Variants in MDN1 observed in about 807,000 individuals in gnomAD.
The protein encoded by MDN1 is midasin.
Under a neutral mutation model 669.2 loss-of-function variants are expected in MDN1, and 266 were observed. The ratio of observed to expected loss-of-function variants is 0.40; its 90% CI spans 0.36 to 0.44. MDN1 has a LOEUF of 0.44. Among genes scored for constraint, MDN1 ranks in the 20% least tolerant of loss-of-function variants. The probability of loss-of-function intolerance (pLI) is 1.00; values close to 1 mark genes in which losing one functional copy is unlikely to be tolerated. For missense variants in MDN1, 5,940 were observed against 6,754.0 expected (o/e 0.88, Z 4.22); for synonymous variants, 2,385 against 2,457.1 (o/e 0.97, Z 0.87).
At chr6:89,706,702 G>T (rs908526071) in intron 52 of MDN1, among the ~76,000 whole-genome samples, 2 of 152,030 alleles carry the variant, frequency 1.3e-5, no homozygotes, top group Admixed American at 1.3e-4. Context: ...TATACCTACA[G>T]ATGTAAATAA....
chr6:89,673,593 G>T, intron 79 of MDN1, 131 bp from the exon 80 acceptor site: 2 of 735,034 alleles, frequency 2.7e-6, no homozygotes, highest in Non-Finnish European at 4.6e-6. Context: ...CTAAACACAT[G>T]CCACAAAGTG....
chr6:89,793,446 C>T (rs1279118549), intron 5 of MDN1, among the ~76,000 whole-genome samples: 1 of 152,176 alleles, frequency 6.6e-6, no homozygotes, highest in Non-Finnish European at 1.5e-5. Context: ...GGTGCAGTGG[C>T]TCACGCCTGT....
intron 69 of MDN1, 88 bp from the exon 70 acceptor site, chr6:89,686,061 C>A: frequency 7.6e-7 from 1 of 1,311,734 alleles, no homozygotes; most frequent in East Asian, 2.4e-5. Context: ...TGGGATACTA[C>A]GGATGGCCAA....
chr6:89,809,972 C>A (rs1768281635), intron 1 of MDN1, among the ~76,000 whole-genome samples: 1 of 98,578 alleles, frequency 1.0e-5, no homozygotes, highest in Non-Finnish European at 1.8e-5. Context: ...GCCTAGGCAA[C>A]AGAGTGAGAC....
rs746605602 is a variant in MDN1 at position 89,688,159 on chromosome 6, C to T, written c.11274G>A (p.Met3758Ile). ...HPALEQLLVV[M>I]DRIRSFPLSS... is the part of the protein sequence containing the mutation. ...AAAGTGGGAAACTACGAATTCTGTCCATTACAACCAGGAGCTGCAGAAATA... is the reference window on the plus strand; with the variant it reads ...AAAGTGGGAAACTACGAATTCTGTCTATTACAACCAGGAGCTGCAGAAATA... The change falls in exon 67 of 102, where the codon ATG becomes ATA. Residue 3758 changes from methionine to isoleucine, a missense_variant. Met to Ile is a conservative substitution (Grantham distance 10). Coordinates refer to ENST00000369393, the MANE Select transcript of MDN1 (RefSeq NM_014611.3). 1 of 1,613,960 alleles carries T rather than the reference C, an allele frequency of 6.2e-7. No homozygotes were observed. The highest frequency in any genetic ancestry group is 8.5e-7 in the Non-Finnish European group (1 of 1,179,908).
chr6:89,788,517 T>C (rs1355707297), intron 7 of MDN1, among the ~76,000 whole-genome samples: 1 of 152,140 alleles, frequency 6.6e-6, no homozygotes, highest in Non-Finnish European at 1.5e-5. Context: ...GGCACAAGAA[T>C]TCTGTTATGT....
intron 2 of MDN1, among the ~76,000 whole-genome samples, chr6:89,796,324 CAAAAAAAAAAAAAAAA>C (rs35169575): frequency 2.2e-5 from 1 of 45,392 alleles, no homozygotes; most frequent in Non-Finnish European, 3.5e-5. Flanking sequence ...AACTCTGTCT[CAAAAAAAAAAAAAAAA>C]AAAAAAAAAA....
chr6:89,672,695 T>G lies in MDN1; in HGVS notation c.13482A>C (p.Gln4494His), dbSNP rs528313135. The change falls in exon 81 of 102, where the codon CAA becomes CAC. Residue 4494 changes from glutamine (Q) to histidine (H), a missense_variant. Transcript: ENST00000369393. ...LLTSDSQGGN[Q>H]MLDEGFVEDF... ...CTTCCACAAATCCTTCGTCCAACAT[T>G]TGATTTCCTAGCAGGTAACATGGTG... The G allele has an allele frequency of 6.8e-6, 11 of 1,613,662 alleles. No individual in the cohort carries two copies. In the South Asian group the frequency reaches 9.9e-5, roughly 15 times the overall value.
intron 88 of MDN1, among the ~76,000 whole-genome samples, chr6:89,659,887 T>C (rs1237045689): frequency 2.0e-5 from 3 of 152,182 alleles, no homozygotes; most frequent in African/African-American, 7.2e-5. Flanking sequence ...CTCTTATTAT[T>C]TATTTTTTTA....
chr6:89,694,261 T>C (rs1584206872), intron 61 of MDN1, 78 bp from the exon 62 acceptor site: 4 of 1,237,946 alleles, frequency 3.2e-6, no homozygotes, highest in East Asian at 2.3e-5. Context: ...TGGGGACACG[T>C]AGAGGAACAA....
At position 89,743,636 on chromosome 6, in the gene MDN1, G is replaced by A. The variant is rs374386721; in HGVS notation, c.4257C>T (p.His1419=). 8.7e-6 allele frequency: 14 copies of A among 1,613,976 alleles called. No homozygotes were observed. The highest frequency in any genetic ancestry group is 1.6e-4 in the Middle Eastern group (1 of 6,084). Residue 1419 remains histidine, a synonymous_variant, in exon 30 of 102, where the codon CAC becomes CAT. Transcript: ENST00000369393. ...QKLYSVSCHL[H]METSDFLGGL... is the part of the protein sequence containing the mutation. ...CACCCAGGAAGTCTGATGTCTCCAT[G>A]TGTAAGTGGCAGCTGACAGAGTATA... is the stretch of plus-strand genomic sequence containing the variant.
rs1813164248 is a variant in MDN1, at chr6:89,701,601, A to G, written c.8384T>C (p.Ile2795Thr). ...LGSQTGGFAG[I>T]KKLQKFLGRP... ...TCCCAGGAACTTCTGCAACTTCTTT[A>G]TACCAGCGAAGCCACCAGTCTGGCT... The change falls in exon 55 of 102, where the codon ATA becomes ACA. Residue 2795 changes from isoleucine to threonine, a missense_variant. By Grantham distance (89) the Ile-to-Thr change is moderately conservative. Coordinates refer to ENST00000369393, the MANE Select transcript of MDN1 (RefSeq NM_014611.3). 2.5e-6 allele frequency: 4 copies of G among 1,614,068 alleles called. No individual in the cohort carries two copies. The highest frequency in any genetic ancestry group is 1.3e-5 in the African/African-American group (1 of 74,940).
At chr6:89,741,461 T>TA (rs1428972937) in intron 31 of MDN1, among the ~76,000 whole-genome samples, 1 of 152,086 alleles carries the variant, frequency 6.6e-6, no homozygotes. Flanking sequence ...AGTTCAACTT[T>TA]AAAAGAAAAG....
chr6:89,753,591 T>G lies in MDN1; in HGVS notation c.2996A>C (p.Asp999Ala), dbSNP rs565426472. 518 of 1,613,846 alleles carry G rather than the reference T, an allele frequency of 3.2e-4. 7 individuals carry two copies. The South Asian group carries it at 5.4e-3, about 17-fold the overall frequency. Reference sequence around the variant, plus strand: ...CTGAACTATTGGGTGTGATGCCCTGTCAAGCTGTGTTAAGAAACCCAAACA... The same window carrying G: ...CTGAACTATTGGGTGTGATGCCCTGGCAAGCTGTGTTAAGAAACCCAAACA... ...GFCLGFLTQL[D>A]RASHPIVQKL... Residue 999 changes from aspartate (D) to alanine (A), a missense_variant, in exon 22 of 102, where the codon GAC (aspartate) becomes GCC (alanine). Around this residue, in one of 5 missense-constraint regions of MDN1, gnomAD observed 1,203 missense variants for 1,268.9 expected, o/e 0.95. Transcript: ENST00000369393.
intron 2 of MDN1, among the ~76,000 whole-genome samples, chr6:89,798,442 C>A (rs1033401616): frequency 6.6e-6 from 1 of 151,480 alleles, no homozygotes; most frequent in African/African-American, 2.4e-5. Context: ...GCGGAGGTTG[C>A]GGTGAGCCAA....
In MDN1 at chr6:89,718,325, G is replaced by A. The variant is rs1355898135; in HGVS notation, c.6583+41C>T. 3.8e-6 allele frequency: 6 copies of A among 1,576,180 alleles called. No homozygotes were observed. The African/African-American group carries it at 6.7e-5, about 18-fold the overall frequency. ...TTACGTGTAAATGGACACAATATAA[G>A]CAATGGTAAGTTCCTGATACAGAGA... On this transcript the variant is annotated intron_variant, in intron 43 of 101. Transcript: ENST00000369393.
chr6:89,676,002 A>G lies in MDN1; in HGVS notation c.12645+100T>C. 4 of 1,016,510 alleles carry G rather than the reference A, an allele frequency of 3.9e-6. No homozygotes were observed. The South Asian group carries it at 5.7e-5, about 14-fold the overall frequency. 63.0% of individuals were successfully genotyped at this position (1,016,510 alleles called of 1,614,324 possible). A position where few individuals can be genotyped will look rare whatever the true frequency, so the allele number is the denominator to read the frequency against. On this transcript the variant is annotated intron_variant, in intron 77 of 101. Coordinates refer to ENST00000369393, the MANE Select transcript of MDN1 (RefSeq NM_014611.3). ...CTGCAAAAAGCTCAGTTCCACTAAC[A>G]GGCTGTTATCACTTAACAAGGTCTG...
intron 95 of MDN1, among the ~76,000 whole-genome samples, chr6:89,651,642 T>C (rs1808879442): frequency 6.6e-6 from 1 of 152,034 alleles, no homozygotes; most frequent in African/African-American, 2.4e-5. Flanking sequence ...GTAAAAATGC[T>C]AAGGGCAAAT....
At chr6:89,780,359 C>T (rs929921364) in intron 10 of MDN1, 66 bp from the exon 11 acceptor site, 3 of 1,015,560 alleles carry the variant, frequency 3.0e-6, no homozygotes, top group Non-Finnish European at 4.3e-6. Flanking sequence ...TCAAAGGCAT[C>T]AGAATTTATT....
Sources: gnomAD v4.1 joint callset for allele counts (sites outside exome capture counted in the v4.1 genomes callset) on GRCh38, gnomAD v4.1.1 for gene constraint, gnomAD v4.1.1 regional missense constraint, MANE v1.5 for transcripts, NCBI Gene and HGNC (gene_info 2026-07-23, HGNC 2026-07-21) for gene names.